TTYH1: variants seen among roughly 807,000 people sequenced by gnomAD.
TTYH1 encodes the protein protein tweety homolog 1.
TTYH1 carries 33 observed loss-of-function variants against 61.2 expected under a neutral mutation model. The ratio of observed to expected loss-of-function variants is 0.54; its 90% CI spans 0.41 to 0.72. The LOEUF (loss-of-function observed/expected upper bound fraction) is 0.72, where lower values mean the gene tolerates loss of function less well. Among genes scored for constraint, TTYH1 ranks in the 30% least tolerant of loss-of-function variants. The pLI is 0.00. For missense variants in TTYH1, 538 were observed against 575.8 expected, an observed-to-expected ratio of 0.93 and a Z score of 0.67; for synonymous variants, 308 against 266.4, an observed-to-expected ratio of 1.16 and a Z score of -1.52.
Position 54,429,510 on chromosome 19 carries a change from G to A in TTYH1, c.807+131G>A. 4.7e-6 allele frequency: 4 copies of A among 850,530 alleles called. No homozygotes were observed. Among genetic ancestry groups the A allele is most frequent in the Non-Finnish European group, 7.5e-6 (4 of 534,190 alleles). The allele number at this position is 850,530 out of a possible 1,614,324, so 52.7% of individuals were successfully genotyped here. A position where few individuals can be genotyped will look rare whatever the true frequency, so the allele number is the denominator to read the frequency against. ...GCACGATCACAGCTCTGAGGTTTAG[G>A]GCTTGTTTCCTGGGGCCTGAGTGGG... On this transcript the variant is annotated intron_variant, in intron 6 of 13. Transcript: ENST00000376530. This position sits in a 1 kb window ranked among gnomAD's most constrained non-coding sequence, Gnocchi z 5.1.
Position 54,419,453 on chromosome 19 carries a change from C to A in TTYH1, c.305+147C>A. 1.2e-6 allele frequency: 1 copy of A among 812,948 alleles called. No individual in the cohort carries two copies. The highest frequency in any genetic ancestry group is 2.1e-6 in the Non-Finnish European group (1 of 486,482). The allele number at this position is 812,948 out of a possible 1,614,324, so 50.4% of individuals were successfully genotyped here. ...TCCCTGTCCCTGCCATTTGCAAGCC[C>A]ACTTCAGCGCACAGCAGGAAGGACT... On this transcript the variant is annotated intron_variant, in intron 2 of 13. Coordinates refer to ENST00000376530, the MANE Select transcript of TTYH1 (RefSeq NM_020659.4). The surrounding 1 kb of genome is among the most constrained non-coding windows in gnomAD (Gnocchi z 6.1).
At chr19:54,424,486 G>A (rs528765820) in intron 4 of TTYH1, among the ~76,000 whole-genome samples, 167 of 152,340 alleles carry the variant, frequency 1.1e-3, no homozygotes, top group Non-Finnish European at 1.9e-3. Context: ...GGACACACCC[G>A]CAGGGCAGCA....
chr19:54,428,304 G>T (rs1196150031), intron 5 of TTYH1, among the ~76,000 whole-genome samples: 1 of 151,714 alleles, frequency 6.6e-6, no homozygotes, highest in African/African-American at 2.4e-5. Flanking sequence ...GGTCAGGATG[G>T]TCTCAAACTC....
chr19:54,422,629 A>G (rs1023251833), intron 4 of TTYH1, among the ~76,000 whole-genome samples: 22 of 152,042 alleles, frequency 1.4e-4, no homozygotes, highest in Non-Finnish European at 2.8e-4. Context: ...AGCCACCATG[A>G]CAATTATGAC....
chr19:54,415,858 G>T lies in TTYH1; in HGVS notation c.126+180G>T. On this transcript the variant is annotated intron_variant, in intron 1 of 13. Transcript: ENST00000376530. The surrounding 1 kb of genome is among the most constrained non-coding windows in gnomAD (Gnocchi z 5.2). ...GGCGCCCATGCCTGGAGGTTCTCCT[G>T]GGACGCGCGCTGGGGGTCCAGACCT... The T allele has an allele frequency of 1.2e-6, 1 of 837,886 alleles. No individual in the cohort carries two copies. The highest frequency in any genetic ancestry group is 1.8e-6 in the Non-Finnish European group (1 of 559,200). The allele number at this position is 837,886 out of a possible 1,614,324, so 51.9% of individuals were successfully genotyped here. A position where few individuals can be genotyped will look rare whatever the true frequency, so the allele number is the denominator to read the frequency against.
In TTYH1 at chr19:54,436,020, G is replaced by C; in HGVS notation, c.1315-71G>C. 2 of 1,582,810 alleles carry C rather than the reference G, an allele frequency of 1.3e-6. No homozygotes were observed. Among genetic ancestry groups the C allele is most frequent in the Non-Finnish European group, 1.7e-6 (2 of 1,152,992 alleles). Reference sequence around the variant, plus strand: ...CCTGGGTCTGAGGGAGGAGGGGCTGGGGTCCCACAGTACAAAGCCAATTCC... The same window carrying C: ...CCTGGGTCTGAGGGAGGAGGGGCTGCGGTCCCACAGTACAAAGCCAATTCC... On this transcript the variant is annotated intron_variant, in intron 12 of 13. Coordinates refer to ENST00000376530, the MANE Select transcript of TTYH1 (RefSeq NM_020659.4). The surrounding 1 kb of genome is among the most constrained non-coding windows in gnomAD (Gnocchi z 4.3).
At position 54,420,546 on chromosome 19, in the gene TTYH1, C is replaced by A. The variant is rs944719567; in HGVS notation, c.306-731C>A. ...TCCCGCCCCCTCCACTGCGGGACAC[C>A]GGCCGGGGGCGGGGACGGGAGGGGT... is the stretch of plus-strand genomic sequence containing the variant. On this transcript the variant is annotated intron_variant, in intron 2 of 13. Coordinates refer to ENST00000376530, the MANE Select transcript of TTYH1 (RefSeq NM_020659.4). This position sits in a 1 kb window ranked among gnomAD's most constrained non-coding sequence, Gnocchi z 4.8. 6.6e-6 allele frequency: 1 copy of A among 151,524 alleles called. No homozygotes were observed. The highest frequency in any genetic ancestry group is 2.4e-5 in the African/African-American group (1 of 41,006). 9.4% of individuals were successfully genotyped at this position (151,524 alleles called of 1,614,324 possible).
At position 54,416,975 on chromosome 19, in the gene TTYH1, C is replaced by G; in HGVS notation, c.126+1297C>G. Reference sequence around the variant, plus strand: ...CGCCCCCACGGTCGGGGGTCAGGGTCAGGGTGGCAGGGATGCGCGGGCAGA... The same window carrying G: ...CGCCCCCACGGTCGGGGGTCAGGGTGAGGGTGGCAGGGATGCGCGGGCAGA... On this transcript the variant is annotated intron_variant, in intron 1 of 13. Transcript: ENST00000376530. This position sits in a 1 kb window ranked among gnomAD's most constrained non-coding sequence, Gnocchi z 7.0. 8.2e-7 allele frequency: 1 copy of G among 1,214,238 alleles called. No homozygotes were observed. Among genetic ancestry groups the G allele is most frequent in the Admixed American group, 3.0e-5 (1 of 33,200 alleles). The allele number at this position is 1,214,238 out of a possible 1,614,324, so 75.2% of individuals were successfully genotyped here.
intron 4 of TTYH1, 40 bp from the exon 5 acceptor site, chr19:54,426,633 G>A: frequency 6.4e-7 from 1 of 1,556,306 alleles, no homozygotes; most frequent in Non-Finnish European, 8.9e-7. Context: ...GGTGCCTGGA[G>A]GCAGGTTTGT....
In TTYH1 at chr19:54,420,454, T is replaced by C. The variant is rs1406849001; in HGVS notation, c.306-823T>C. 1.3e-5 allele frequency among the ~76,000 whole-genome samples: 2 copies of C among 151,214 alleles called. 1 individual carries two copies. Among genetic ancestry groups the C allele is most frequent in the African/African-American group, 4.9e-5 (2 of 41,114 alleles). ...ACTCTGAACAATGGGGCGGGGACAC[T>C]GGGCGTCCGACCCGAGGGATGGGGG... On this transcript the variant is annotated intron_variant, in intron 2 of 13. Transcript: ENST00000376530. This position sits in a 1 kb window ranked among gnomAD's most constrained non-coding sequence, Gnocchi z 4.8.
Position 54,422,285 on chromosome 19 carries a change from C to T in TTYH1, c.513C>T (p.Ala171=), listed in dbSNP as rs767703881. 18 of 1,566,986 alleles carry T rather than the reference C, an allele frequency of 1.1e-5. No homozygotes were observed. The highest frequency in any genetic ancestry group is 2.3e-5 in the East Asian group (1 of 43,076). The change falls in exon 4 of 14, where the codon GCC becomes GCT. Residue 171 remains alanine (A), a synonymous_variant. Transcript: ENST00000376530. ...VLEPRTELVA[A]ARGARRQAEA... is the part of the protein sequence containing the mutation. ...AGCCGCGCACGGAGCTGGTGGCTGC[C>T]GCCCGAGGGGCTCGACGGCAGGCGG...
Position 54,416,969 on chromosome 19 carries a change from C to G in TTYH1, c.126+1291C>G, listed in dbSNP as rs1040873695. On this transcript the variant is annotated intron_variant, in intron 1 of 13. Transcript: ENST00000376530. The surrounding 1 kb of genome is among the most constrained non-coding windows in gnomAD (Gnocchi z 7.0). Reference sequence around the variant, plus strand: ...TCACTCCGCCCCCACGGTCGGGGGTCAGGGTCAGGGTGGCAGGGATGCGCG... The same window carrying G: ...TCACTCCGCCCCCACGGTCGGGGGTGAGGGTCAGGGTGGCAGGGATGCGCG... 2.4e-6 allele frequency: 3 copies of G among 1,226,490 alleles called. No individual in the cohort carries two copies. The African/African-American group carries it at 4.8e-5, about 19-fold the overall frequency. The allele number at this position is 1,226,490 out of a possible 1,614,324, so 76.0% of individuals were successfully genotyped here.
At position 54,424,481 on chromosome 19, in the gene TTYH1, C is replaced by T. The variant is rs117873601; in HGVS notation, c.638+2071C>T. Among the ~76,000 whole-genome samples, 921 of 152,362 alleles carry T rather than the reference C, an allele frequency of 6.0e-3. 4 individuals are homozygous for T. The highest frequency in any genetic ancestry group is 9.9e-3 in the South Asian group (48 of 4,832). ...GCTGAAAAAGCTGGAGGTCAGGACA[C>T]ACCCGCAGGGCAGCAGGTGCAAGAG... is the stretch of plus-strand genomic sequence containing the variant. On this transcript the variant is annotated intron_variant, in intron 4 of 13. Transcript: ENST00000376530.
rs573216082 is a variant in TTYH1 at position 54,425,034 on chromosome 19, G to A, written c.639-1639G>A. 7.2e-5 allele frequency among the ~76,000 whole-genome samples: 11 copies of A among 152,318 alleles called. 1 individual carries two copies. In the South Asian group the frequency reaches 2.3e-3, roughly 32 times the overall value. Reference sequence around the variant, plus strand: ...CCTGGGCCCTGCGGTGAGTGTTTTAGCTCTATTAGAAGCCGTGGGTCACGG... The same window carrying A: ...CCTGGGCCCTGCGGTGAGTGTTTTAACTCTATTAGAAGCCGTGGGTCACGG... On this transcript the variant is annotated intron_variant, in intron 4 of 13. Coordinates refer to ENST00000376530, the MANE Select transcript of TTYH1 (RefSeq NM_020659.4).
Position 54,436,573 on chromosome 19 carries a change from T to C in TTYH1, c.*283T>C. 2 of 623,656 alleles carry C rather than the reference T, an allele frequency of 3.2e-6. No individual in the cohort carries two copies. The highest frequency in any genetic ancestry group is 2.6e-5 in the Admixed American group (1 of 38,230). The allele number at this position is 623,656 out of a possible 1,614,324, so 38.6% of individuals were successfully genotyped here. On this transcript the variant is annotated 3_prime_UTR_variant, in exon 14 of 14. Coordinates refer to ENST00000376530, the MANE Select transcript of TTYH1 (RefSeq NM_020659.4). The surrounding 1 kb of genome is among the most constrained non-coding windows in gnomAD (Gnocchi z 4.3). ...CATCCCTGGCTGCCGGTCCCATCCT[T>C]GGAGGGACTAAGCTGGGGGTGGGGG...
intron 9 of TTYH1, 57 bp downstream of exon 9, chr19:54,430,962 G>C: frequency 1.3e-6 from 2 of 1,585,912 alleles, no homozygotes; most frequent in Non-Finnish European, 1.7e-6. Flanking sequence ...CGGACGGGGC[G>C]GGATGGAGCT....
Position 54,419,222 on chromosome 19 carries a change from C to A in TTYH1, c.221C>A (p.Pro74His), listed in dbSNP as rs752829139. The change falls in exon 2 of 14, where the codon CCC becomes CAC. Residue 74 changes from proline (P) to histidine (H), a missense_variant. Pro to His is a moderately conservative substitution (Grantham distance 77, BLOSUM62 -2). Coordinates refer to ENST00000376530, the MANE Select transcript of TTYH1 (RefSeq NM_020659.4). The surrounding 1 kb of genome is among the most constrained non-coding windows in gnomAD (Gnocchi z 6.1). ...CTCATCCGCTTCTGCTGCTGCCGGC[C>A]CCCCGAGCCCCCCGGGTCCAAGATC... ...VYLIRFCCCRPPEPPGSKIPS... is the reference protein window; with the variant it reads ...VYLIRFCCCRHPEPPGSKIPS... The A allele has an allele frequency of 5.6e-6, 9 of 1,610,104 alleles. No individual in the cohort carries two copies. The highest frequency in any genetic ancestry group is 7.6e-6 in the Non-Finnish European group (9 of 1,179,940).
intron 4 of TTYH1, among the ~76,000 whole-genome samples, chr19:54,424,237 T>A (rs1233915778): frequency 6.6e-6 from 1 of 150,984 alleles, no homozygotes; most frequent in Non-Finnish European, 1.5e-5. Context: ...ACTGAGAAGG[T>A]GGCATTTGGA....
chr19:54,434,644 T>G lies in TTYH1; in HGVS notation c.1126-898T>G, dbSNP rs932745332. The G allele has an allele frequency of 2.0e-5, 3 of 152,270 alleles. No individual in the cohort carries two copies. Among genetic ancestry groups the G allele is most frequent in the Non-Finnish European group, 4.4e-5 (3 of 68,076 alleles). 9.4% of individuals were successfully genotyped at this position (152,270 alleles called of 1,614,324 possible). ...GTCAACCCCCACTGAATACATACGC[T>G]GTGCAGGTGCTTAGCACTCGGTGAA... On this transcript the variant is annotated intron_variant, in intron 10 of 13. Coordinates refer to ENST00000376530, the MANE Select transcript of TTYH1 (RefSeq NM_020659.4). This position sits in a 1 kb window ranked among gnomAD's most constrained non-coding sequence, Gnocchi z 4.3.
Sources: allele counts gnomAD v4.1 joint callset (sites outside exome capture counted in the v4.1 genomes callset), GRCh38; gene constraint gnomAD v4.1.1; non-coding constraint Gnocchi (gnomAD v3.1); transcripts MANE v1.5; gene names NCBI Gene and HGNC (gene_info 2026-07-23, HGNC 2026-07-21).